Variants in PLEKHM3 observed in about 807,000 individuals in gnomAD.
PLEKHM3 encodes pleckstrin homology domain containing M3.
A neutral mutation model predicts 81.8 loss-of-function variants in PLEKHM3; 45 were observed. The ratio of observed to expected loss-of-function variants is 0.55; its 90% CI spans 0.43 to 0.71. The LOEUF (loss-of-function observed/expected upper bound fraction) is 0.71. Among genes scored for constraint, PLEKHM3 ranks in the 30% least tolerant of loss-of-function variants. The pLI is 0.00. For missense variants in PLEKHM3, 788 were observed against 924.3 expected (o/e 0.85, Z 1.91); for synonymous variants, 352 against 356.4 (o/e 0.99, Z 0.14).
chr2:207,850,893 G>T (rs1348665523), intron 7 of PLEKHM3, among the ~76,000 whole-genome samples: 1 of 152,074 alleles, frequency 6.6e-6, no homozygotes, highest in African/African-American at 2.4e-5. Context: ...AGTGGCTCAC[G>T]CCTGTAATCC....
At chr2:207,970,333 C>A (rs1202242397) in intron 3 of PLEKHM3, among the ~76,000 whole-genome samples, 3 of 151,630 alleles carry the variant, frequency 2.0e-5, no homozygotes, top group Non-Finnish European at 4.4e-5. Flanking sequence ...CCCCCCACCC[C>A]CCACCCCAGG....
At chr2:207,872,658 C>T (rs564487414) in intron 6 of PLEKHM3, among the ~76,000 whole-genome samples, 1 of 152,018 alleles carries the variant, frequency 6.6e-6, no homozygotes, top group Non-Finnish European at 1.5e-5. Context: ...GCCAACATGG[C>T]GAAACCCCGT....
At chr2:207,847,511 C>T (rs1046061128) in intron 7 of PLEKHM3, among the ~76,000 whole-genome samples, 2 of 152,232 alleles carry the variant, frequency 1.3e-5, no homozygotes, top group Non-Finnish European at 2.9e-5. Flanking sequence ...CTGCCATGCA[C>T]ACGACATGTG....
chr2:207,943,289 A>G (rs1690005009), intron 4 of PLEKHM3, among the ~76,000 whole-genome samples: 1 of 152,266 alleles, frequency 6.6e-6, no homozygotes, highest in South Asian at 2.1e-4. Context: ...CATATACCCC[A>G]TAAACATGTA....
At chr2:207,842,735 T>C (rs1314650869) in intron 7 of PLEKHM3, among the ~76,000 whole-genome samples, 1 of 152,202 alleles carries the variant, frequency 6.6e-6, no homozygotes, top group Non-Finnish European at 1.5e-5. Flanking sequence ...AGAATAGTTC[T>C]GCTGCGTACA....
At chr2:207,925,366 C>A (rs1283685798) in intron 5 of PLEKHM3, among the ~76,000 whole-genome samples, 1 of 152,130 alleles carries the variant, frequency 6.6e-6, no homozygotes, top group East Asian at 1.9e-4. Flanking sequence ...CTCTTGGATG[C>A]CTCCAGGCTC....
intron 4 of PLEKHM3, among the ~76,000 whole-genome samples, 190 bp from the exon 5 acceptor site, chr2:207,931,309 A>G (rs191502531): frequency 6.6e-6 from 1 of 152,362 alleles, no homozygotes; most frequent in East Asian, 1.9e-4. Context: ...ACTGTAAGCT[A>G]GGAAGGAATT....
At chr2:207,933,541 G>A (rs1689657275) in intron 4 of PLEKHM3, among the ~76,000 whole-genome samples, 1 of 152,114 alleles carries the variant, frequency 6.6e-6, no homozygotes, top group African/African-American at 2.4e-5. Flanking sequence ...TGGAGTCAGG[G>A]CCCTGCTGAA....
chr2:208,012,594 T>A (rs1285178262), intron 1 of PLEKHM3, among the ~76,000 whole-genome samples: 1 of 152,174 alleles, frequency 6.6e-6, no homozygotes, highest in African/African-American at 2.4e-5. Flanking sequence ...GACTAAGTAT[T>A]GAGTTTGTTC....
chr2:207,953,904 C>T (rs1430035347), intron 3 of PLEKHM3, among the ~76,000 whole-genome samples: 1 of 151,994 alleles, frequency 6.6e-6, no homozygotes, highest in Non-Finnish European at 1.5e-5. Context: ...ATGGGTGACA[C>T]ACATTTAGGT....
intron 5 of PLEKHM3, among the ~76,000 whole-genome samples, chr2:207,917,415 A>G (rs1389082504): frequency 6.6e-6 from 1 of 152,244 alleles, no homozygotes; most frequent in Non-Finnish European, 1.5e-5. Flanking sequence ...TTTTGCTAAA[A>G]TAGACTTATT....
At chr2:207,854,855 C>T (rs1267597084) in intron 7 of PLEKHM3, among the ~76,000 whole-genome samples, 1 of 152,186 alleles carries the variant, frequency 6.6e-6, no homozygotes, top group Admixed American at 6.5e-5. Context: ...GAGAATCCAG[C>T]ATCTTAACTA....
rs148348981 is a variant in PLEKHM3, at chr2:207,994,240, A to T, written c.610+6790T>A. Reference sequence around the variant, plus strand: ...ATAAGTGTGCGTGTGTATAACCTGTATTTCATATATATGTTCACATGACTT... The same window carrying T: ...ATAAGTGTGCGTGTGTATAACCTGTTTTTCATATATATGTTCACATGACTT... On this transcript the variant is annotated intron_variant, in intron 2 of 7. Transcript: ENST00000427836. 3.9e-5 allele frequency among the ~76,000 whole-genome samples: 6 copies of T among 152,266 alleles called. No homozygotes were observed. In the East Asian group the frequency reaches 1.2e-3, roughly 29 times the overall value.
intron 3 of PLEKHM3, among the ~76,000 whole-genome samples, chr2:207,949,269 TA>T (rs146704928): frequency 9.2e-5 from 14 of 152,352 alleles, no homozygotes; most frequent in African/African-American, 3.4e-4. Context: ...TGGAACTGGC[TA>T]GGCATAGTAG....
At chr2:207,980,155 T>G (rs1235674474) in intron 2 of PLEKHM3, among the ~76,000 whole-genome samples, 1 of 152,090 alleles carries the variant, frequency 6.6e-6, no homozygotes, top group Non-Finnish European at 1.5e-5. Context: ...GTCTGCTGAG[T>G]AAAATAAAAA....
At position 208,001,574 on chromosome 2, in the gene PLEKHM3, A is replaced by G. The variant is rs201762839; in HGVS notation, c.66T>C (p.Thr22=). 6.2e-7 allele frequency: 1 copy of G among 1,614,210 alleles called. No homozygotes were observed. The highest frequency in any genetic ancestry group is 1.3e-5 in the African/African-American group (1 of 75,072). Residue 22 remains threonine (T), a synonymous_variant, in exon 2 of 8, where the codon ACT becomes ACC. Transcript: ENST00000427836. ...CAGCCTTTTCTAGATTACTATCCAA[A>G]GTACTAAAGAATTCCTCCGTAACTT... ...ALEVTEEFFS[T]LDSNLEKAVQ...
intron 5 of PLEKHM3, among the ~76,000 whole-genome samples, chr2:207,918,454 G>A (rs1048581945): frequency 2.0e-5 from 3 of 152,104 alleles, no homozygotes; most frequent in South Asian, 2.1e-4. Flanking sequence ...CCTGGGAGGC[G>A]GAGCTTGCAG....
At chr2:207,852,891 G>A (rs528644042) in intron 7 of PLEKHM3, 2 of 417,546 alleles carry the variant, frequency 4.8e-6, no homozygotes, top group African/African-American at 4.2e-5. Flanking sequence ...AAAACACAGA[G>A]CTCCCTAATA....
intron 3 of PLEKHM3, among the ~76,000 whole-genome samples, chr2:207,947,265 T>G (rs1290465342): frequency 2.0e-5 from 3 of 152,198 alleles, no homozygotes; most frequent in Non-Finnish European, 4.4e-5. Flanking sequence ...TTACCTCTCC[T>G]TACACAGCAC....
Sources: allele counts gnomAD v4.1 joint callset (sites outside exome capture counted in the v4.1 genomes callset), GRCh38; gene constraint gnomAD v4.1.1; transcripts MANE v1.5; gene names NCBI Gene and HGNC (gene_info 2026-07-23, HGNC 2026-07-21).